Variants in MALRD1 observed in about 807,000 individuals in gnomAD.
MALRD1 encodes the protein MAM and LDL-receptor class A domain-containing protein 1.
MALRD1 carries 247 observed loss-of-function variants against 242.1 expected under a neutral mutation model. The observed-to-expected ratio is 1.02, with a 90% confidence interval of 0.92 to 1.13. The LOEUF (loss-of-function observed/expected upper bound fraction) is 1.13, where lower values mean the gene tolerates loss of function less well. Among genes scored for constraint, MALRD1 ranks in the 50% most tolerant of loss-of-function variants. The pLI, the probability that MALRD1 is intolerant of heterozygous loss-of-function variation, is 0.00. For synonymous variants in MALRD1, 995 were observed against 866.6 expected (o/e 1.15, Z -2.60); for missense variants, 2,989 against 2,533.1 (o/e 1.18, Z -3.86).
At chr10:19,369,309 AATAC>A (rs1845262316) in intron 26 of MALRD1, among the ~76,000 whole-genome samples, 1 of 147,098 alleles carries the variant, frequency 6.8e-6, no homozygotes, top group East Asian at 2.0e-4. Context: ...ATATAAATAT[AATAC>A]ATAATAAAAT....
intron 19 of MALRD1, among the ~76,000 whole-genome samples, chr10:19,278,234 A>G (rs959812598): frequency 5.9e-5 from 9 of 152,210 alleles, no homozygotes; most frequent in African/African-American, 2.2e-4. Flanking sequence ...CATTCACACA[A>G]GTTTTTTCTC....
chr10:19,545,291 G>T (rs1463156958), intron 32 of MALRD1, among the ~76,000 whole-genome samples: 2 of 152,114 alleles, frequency 1.3e-5, no homozygotes, highest in Non-Finnish European at 2.9e-5. Context: ...ACATTCTGAG[G>T]TTCTGTGGTT....
rs758567596 is a variant in MALRD1 at position 19,389,198 on chromosome 10, G to A, written c.4688-254G>A. ...ATTTTTGTAGCTATCTTGTTGATGC[G>A]ACGGCATAAATATCCCATCAGATCA... On this transcript the variant is annotated intron_variant, in intron 27 of 39. Transcript: ENST00000454679. The A allele has an allele frequency of 1.8e-4, 103 of 569,414 alleles. 1 individual carries two copies. The highest frequency in any genetic ancestry group is 1.2e-4 in the Non-Finnish European group (36 of 300,768). The allele number at this position is 569,414 out of a possible 1,614,324, so 35.3% of individuals were successfully genotyped here.
At chr10:19,356,105 G>A (rs914864890) in intron 26 of MALRD1, among the ~76,000 whole-genome samples, 2 of 151,240 alleles carry the variant, frequency 1.3e-5, no homozygotes, top group South Asian at 2.1e-4. Flanking sequence ...TTGGCTCTCC[G>A]TAAGACCAAC....
chr10:19,342,263 T>C (rs1223911279), intron 24 of MALRD1, among the ~76,000 whole-genome samples: 2 of 152,150 alleles, frequency 1.3e-5, no homozygotes, highest in African/African-American at 4.8e-5. Flanking sequence ...TGAAAACGAC[T>C]GACCTGCGTC....
At chr10:19,531,882 A>G (rs1211361539) in intron 32 of MALRD1, among the ~76,000 whole-genome samples, 3 of 152,200 alleles carry the variant, frequency 2.0e-5, no homozygotes, top group East Asian at 1.9e-4. Flanking sequence ...CATTGTATCA[A>G]TGAGTTTTTC....
At chr10:19,502,285 A>T (rs1838012670) in intron 31 of MALRD1, among the ~76,000 whole-genome samples, 1 of 151,980 alleles carries the variant, frequency 6.6e-6, no homozygotes, top group Non-Finnish European at 1.5e-5. Context: ...AGCAGAAAAA[A>T]CTTTTCTAGT....
Position 19,456,339 on chromosome 10 carries a change from T to G in MALRD1, c.5029+5849T>G, listed in dbSNP as rs190347905. Reference sequence around the variant, plus strand: ...GACATTCTTTTTTATTATAGCCACTTTTGCATCTTTCATTTTTTTCCTGTT... The same window carrying G: ...GACATTCTTTTTTATTATAGCCACTGTTGCATCTTTCATTTTTTTCCTGTT... On this transcript the variant is annotated intron_variant, in intron 29 of 39. Transcript: ENST00000454679. Among the ~76,000 whole-genome samples, 207 of 152,102 alleles carry G rather than the reference T, an allele frequency of 1.4e-3. 2 individuals are homozygous for G. Among genetic ancestry groups the G allele is most frequent in the African/African-American group, 4.9e-3 (202 of 41,376 alleles).
In MALRD1 at chr10:19,092,165, G is replaced by A. The variant is rs1373663964; in HGVS notation, c.597+3980G>A. Among the ~76,000 whole-genome samples the A allele has an allele frequency of 3.5e-4, 4 of 11,458 alleles. 1 individual carries two copies. The highest frequency in any genetic ancestry group is 2.2e-3 in the Admixed American group (2 of 904). The allele number at this position is 11,458 out of a possible 152,430, so 7.5% of individuals were successfully genotyped here. ...ATCCTTGTTGACTTTCTGTCTCATT[G>A]ATCTGTCTAATGTTGACAGTGGGGT... is the stretch of plus-strand genomic sequence containing the variant. On this transcript the variant is annotated intron_variant, in intron 4 of 39. Coordinates refer to ENST00000454679, the MANE Select transcript of MALRD1 (RefSeq NM_001142308.3).
chr10:19,415,661 G>A (rs1462321637), intron 28 of MALRD1, among the ~76,000 whole-genome samples: 1 of 151,964 alleles, frequency 6.6e-6, no homozygotes, highest in African/African-American at 2.4e-5. Context: ...TAAGAAATGG[G>A]TCTAGAGAAT....
intron 30 of MALRD1, 93 bp downstream of exon 30, chr10:19,491,738 ATAT>A (rs1837503072): frequency 1.4e-6 from 2 of 1,383,670 alleles, no homozygotes; most frequent in Non-Finnish European, 1.9e-6. Flanking sequence ...TGGAGAAGAA[ATAT>A]TATTTTCATG....
chr10:19,279,513 TCCATC>T (rs1434019457), intron 19 of MALRD1, among the ~76,000 whole-genome samples: 1 of 152,214 alleles, frequency 6.6e-6, no homozygotes, highest in Non-Finnish European at 1.5e-5. Flanking sequence ...ATAAATGTCT[TCCATC>T]CTCAGTAATT....
chr10:19,368,769 A>G (rs1299738479), intron 26 of MALRD1, among the ~76,000 whole-genome samples: 1 of 151,272 alleles, frequency 6.6e-6, no homozygotes, highest in East Asian at 1.9e-4. Flanking sequence ...ATTCCTTTGT[A>G]TCCTCTTCAA....
intron 14 of MALRD1, among the ~76,000 whole-genome samples, chr10:19,194,858 A>C (rs1277015839): frequency 2.6e-5 from 4 of 152,178 alleles, no homozygotes; most frequent in African/African-American, 9.6e-5. Context: ...TACATCTAAA[A>C]GTCAATTCTT....
At chr10:19,177,006 G>A (rs933706547) in intron 14 of MALRD1, among the ~76,000 whole-genome samples, 1 of 152,018 alleles carries the variant, frequency 6.6e-6, no homozygotes, top group African/African-American at 2.4e-5. Flanking sequence ...GCCAGGCACG[G>A]TGGCTCACAC....
chr10:19,689,903 G>A (rs1361633516), intron 36 of MALRD1, among the ~76,000 whole-genome samples: 1 of 151,908 alleles, frequency 6.6e-6, no homozygotes, highest in Non-Finnish European at 1.5e-5. Flanking sequence ...TAAAATTTTT[G>A]GAATCATAGA....
intron 28 of MALRD1, among the ~76,000 whole-genome samples, chr10:19,448,035 G>A (rs908641054): frequency 6.6e-5 from 10 of 152,082 alleles, no homozygotes; most frequent in East Asian, 1.9e-4. Context: ...TTGTGCTCTC[G>A]GTAACCATGG....
At chr10:19,588,563 G>A (rs1837569762) in intron 33 of MALRD1, among the ~76,000 whole-genome samples, 2 of 152,150 alleles carry the variant, frequency 1.3e-5, no homozygotes, top group African/African-American at 4.8e-5. Flanking sequence ...CTTTGATTGT[G>A]GGATTTTCTG....
intron 29 of MALRD1, among the ~76,000 whole-genome samples, chr10:19,468,617 G>A (rs77283279): frequency 6.6e-6 from 1 of 151,622 alleles, no homozygotes. Context: ...TTGGCAACGA[G>A]ATAAAATTTT....
Sources: allele counts gnomAD v4.1 joint callset (sites outside exome capture counted in the v4.1 genomes callset), GRCh38; gene constraint gnomAD v4.1.1; transcripts MANE v1.5; gene names NCBI Gene and HGNC (gene_info 2026-07-23, HGNC 2026-07-21).